Variants in CREB5 observed in about 807,000 individuals in gnomAD.
CREB5 encodes cAMP responsive element binding protein 5, also known as cyclic AMP-responsive element-binding protein 5.
In CREB5, 19 loss-of-function variants were observed where a neutral mutation model predicts 57.1. That is an observed-to-expected ratio of 0.33 (90% CI 0.23 to 0.49). The LOEUF (loss-of-function observed/expected upper bound fraction) is 0.49, where lower values mean the gene tolerates loss of function less well. CREB5 is among the 20% of genes least tolerant of loss of function. The pLI, the probability that CREB5 is intolerant of heterozygous loss-of-function variation, is 0.99. For missense variants in CREB5, 579 were observed against 671.6 expected (o/e 0.86, Z 1.52); for synonymous variants, 238 against 238.3 (o/e 1.00, Z 0.01).
chr7:28,477,834 G>A (rs1791146822), intron 1 of CREB5, among the ~76,000 whole-genome samples: 1 of 152,194 alleles, frequency 6.6e-6, no homozygotes, highest in African/African-American at 2.4e-5. Flanking sequence ...CAGCTTATTA[G>A]CTGGGCATGG....
intron 5 of CREB5, among the ~76,000 whole-genome samples, chr7:28,678,535 T>C (rs754432459): frequency 6.6e-6 from 1 of 152,250 alleles, no homozygotes. Context: ...AGTTTAGAGA[T>C]GAATTTTACC....
At chr7:28,376,701 A>G (rs1786837022) in intron 1 of CREB5, among the ~76,000 whole-genome samples, 1 of 151,998 alleles carries the variant, frequency 6.6e-6, no homozygotes, top group Non-Finnish European at 1.5e-5. Flanking sequence ...TTATTTCCAG[A>G]CTCACCTTAG....
At chr7:28,441,855 T>C (rs931808251) in intron 1 of CREB5, among the ~76,000 whole-genome samples, 1 of 152,218 alleles carries the variant, frequency 6.6e-6, no homozygotes, top group South Asian at 2.1e-4. Context: ...ACATACAGGA[T>C]ACAGAGTGAT....
chr7:28,682,682 T>TA (rs797004229), intron 5 of CREB5, among the ~76,000 whole-genome samples: 1 of 109,212 alleles, frequency 9.2e-6, no homozygotes, highest in African/African-American at 3.2e-5. Context: ...AACCTAAAAG[T>TA]GGGGGGGGGG....
At chr7:28,549,554 T>C (rs56046403) in intron 4 of CREB5, among the ~76,000 whole-genome samples, 7,369 of 152,320 alleles carry the variant, frequency 0.048, 274 homozygotes, top group Non-Finnish European at 0.076. Context: ...TATATGCTTA[T>C]GTTCAGGATA....
chr7:28,732,601 T>C (rs532023133), intron 7 of CREB5, among the ~76,000 whole-genome samples: 2 of 152,356 alleles, frequency 1.3e-5, no homozygotes, highest in South Asian at 4.1e-4. Flanking sequence ...AGTTCTGCTT[T>C]GCAGAGATAT....
intron 4 of CREB5, among the ~76,000 whole-genome samples, chr7:28,553,874 A>G (rs1286015059): frequency 6.6e-6 from 1 of 152,202 alleles, no homozygotes; most frequent in African/African-American, 2.4e-5. Flanking sequence ...TTCTGTGGTC[A>G]GAGATTCTTT....
intron 1 of CREB5, among the ~76,000 whole-genome samples, chr7:28,351,197 G>T (rs1165773642): frequency 6.6e-6 from 1 of 152,154 alleles, no homozygotes; most frequent in Non-Finnish European, 1.5e-5. Context: ...TTTCAATTTT[G>T]GGGAGTAATA....
Position 28,804,368 on chromosome 7 carries a change from C to T in CREB5, c.872C>T (p.Pro291Leu). ...ACACTGCCACCCCATCACCCTTACCCACACCAGCACCAGCACCCAGCACAC... is the reference window on the plus strand; with the variant it reads ...ACACTGCCACCCCATCACCCTTACCTACACCAGCACCAGCACCCAGCACAC... Reference protein sequence around the residue: ...HQTLPPHHPYPHQHQHPAHHP... With the variant: ...HQTLPPHHPYLHQHQHPAHHP... Residue 291 changes from proline (P) to leucine (L), a missense_variant, in exon 8 of 11, where the codon CCA (proline) becomes CTA (leucine). This residue lies in a region of CREB5 where 459 missense variants were observed against 515.7 expected (regional missense o/e 0.89). Transcript: ENST00000357727. 6.2e-7 allele frequency: 1 copy of T among 1,613,666 alleles called. No homozygotes were observed.
intron 1 of CREB5, among the ~76,000 whole-genome samples, chr7:28,375,627 G>T (rs1404871237): frequency 6.6e-6 from 1 of 151,834 alleles, no homozygotes; most frequent in African/African-American, 2.4e-5. Flanking sequence ...TTTCTTCAGG[G>T]CATCATGAAA....
chr7:28,312,934 G>C (rs1288663488), intron 1 of CREB5, among the ~76,000 whole-genome samples: 3 of 152,188 alleles, frequency 2.0e-5, no homozygotes, highest in Admixed American at 6.5e-5. Flanking sequence ...TATGAGACTT[G>C]TGAAATTACA....
At position 28,811,567 on chromosome 7, in the gene CREB5, T is replaced by TATTATCTTGCCCAGGCTGGTCTCAA. The variant is rs1562658046; in HGVS notation, c.1254+2155_1254+2179dup. Among the ~76,000 whole-genome samples, 7 of 152,114 alleles carry TATTATCTTGCCCAGGCTGGTCTCAA rather than the reference T, an allele frequency of 4.6e-5. No homozygotes were observed. In the East Asian group the frequency reaches 7.8e-4, roughly 17 times the overall value. ...TTTTTTTTCTCTAGAGACAAGGTCT[T>TATTATCTTGCCCAGGCTGGTCTCAA]ATTATCTTGCCCAGGCTGGTCTCAA... On this transcript the variant is annotated intron_variant, in intron 9 of 10. Transcript: ENST00000357727.
chr7:28,812,473 C>T (rs1261915365), intron 9 of CREB5, among the ~76,000 whole-genome samples: 1 of 151,782 alleles, frequency 6.6e-6, no homozygotes, highest in Non-Finnish European at 1.5e-5. Context: ...TCTTTAGAGC[C>T]AAATGGCTAA....
chr7:28,724,494 A>G (rs964886817), intron 7 of CREB5, 162 bp downstream of exon 7: 7 of 605,302 alleles, frequency 1.2e-5, no homozygotes, highest in South Asian at 9.8e-5. Flanking sequence ...GATGTTTGTT[A>G]CAGAGCCTTG....
chr7:28,560,501 A>G (rs1273667641), intron 4 of CREB5, among the ~76,000 whole-genome samples: 1 of 152,044 alleles, frequency 6.6e-6, no homozygotes, highest in Non-Finnish European at 1.5e-5. Flanking sequence ...CAGGGTCTGG[A>G]GTGTTCTGGG....
At chr7:28,629,374 G>A (rs960340567) in intron 5 of CREB5, among the ~76,000 whole-genome samples, 3 of 152,168 alleles carry the variant, frequency 2.0e-5, no homozygotes, top group Admixed American at 6.5e-5. Context: ...GACGCCCAGC[G>A]TGCGGGTCAG....
At chr7:28,477,645 G>T (rs950609500) in intron 1 of CREB5, among the ~76,000 whole-genome samples, 9 of 152,214 alleles carry the variant, frequency 5.9e-5, no homozygotes, top group African/African-American at 2.2e-4. Context: ...CTGGCACAGT[G>T]TTAACCTCTC....
intron 5 of CREB5, among the ~76,000 whole-genome samples, chr7:28,621,118 G>A (rs1244818153): frequency 6.7e-6 from 1 of 149,224 alleles, no homozygotes; most frequent in Non-Finnish European, 1.5e-5. Flanking sequence ...GACGAGGACA[G>A]CCCCTTGAGA....
intron 7 of CREB5, among the ~76,000 whole-genome samples, chr7:28,752,465 C>T (rs1028187453): frequency 6.6e-6 from 1 of 152,228 alleles, no homozygotes; most frequent in African/African-American, 2.4e-5. Flanking sequence ...TCGTGCTCAG[C>T]CTTCTCTTTG....
Sources: gnomAD v4.1 joint callset for allele counts (sites outside exome capture counted in the v4.1 genomes callset) on GRCh38, gnomAD v4.1.1 for gene constraint, gnomAD v4.1.1 regional missense constraint, MANE v1.5 for transcripts, NCBI Gene and HGNC (gene_info 2026-07-23, HGNC 2026-07-21) for gene names.